PAX3: variants seen among roughly 807,000 people sequenced by gnomAD.
The protein encoded by PAX3 is paired box 3.
In PAX3, 14 loss-of-function variants were observed where a neutral mutation model predicts 51.6. The ratio of observed to expected loss-of-function variants is 0.27; its 90% CI spans 0.18 to 0.42. PAX3 has a LOEUF of 0.42. PAX3 is among the 10% of genes least tolerant of loss of function. PAX3 has a pLI of 1.00. For missense variants in PAX3, 540 were observed against 642.8 expected (o/e 0.84, Z 1.73); for synonymous variants, 280 against 253.4 (o/e 1.11, Z -1.00).
Position 222,244,081 on chromosome 2 carries a change from A to C in PAX3, c.587-11798T>G, listed in dbSNP as rs1265409291. Among the ~76,000 whole-genome samples the C allele has an allele frequency of 2.6e-5, 4 of 152,206 alleles. No homozygotes were observed. In the East Asian group the frequency reaches 5.8e-4, roughly 22 times the overall value. On this transcript the variant is annotated intron_variant, in intron 4 of 8. Coordinates refer to ENST00000392070, the MANE Select transcript of PAX3 (RefSeq NM_181458.4). ...TGTCTACAAGGTGGTCCTTCAGATT[A>C]GTGTCACATCCAACCAATGGACCTA...
intron 5 of PAX3, 184 bp from the exon 6 acceptor site, chr2:222,221,571 G>A (rs549801716): frequency 3.3e-6 from 2 of 608,218 alleles, no homozygotes; most frequent in South Asian, 3.7e-5. Flanking sequence ...AGTGTCAAAG[G>A]TCAGTAGAGG....
In PAX3 at chr2:222,201,509, C is replaced by G. The variant is rs1691292071; in HGVS notation, c.1421-67G>C. ...AATTCACAGTCAGGGGCAAGATCAG[C>G]TACAGGCTGACAATGTCATATTTAA... is the stretch of plus-strand genomic sequence containing the variant. On this transcript the variant is annotated intron_variant, in intron 8 of 8. Coordinates refer to ENST00000392070, the MANE Select transcript of PAX3 (RefSeq NM_181458.4). 5 of 1,587,124 alleles carry G rather than the reference C, an allele frequency of 3.2e-6. No homozygotes were observed. The South Asian group carries it at 5.5e-5, about 18-fold the overall frequency.
At chr2:222,243,002 G>A (rs1693076818) in intron 4 of PAX3, among the ~76,000 whole-genome samples, 1 of 152,176 alleles carries the variant, frequency 6.6e-6, no homozygotes, top group Non-Finnish European at 1.5e-5. Context: ...TAACAAGTTA[G>A]TTATACAGAG....
chr2:222,266,692 T>C (rs1030520731), intron 4 of PAX3, among the ~76,000 whole-genome samples: 2 of 152,244 alleles, frequency 1.3e-5, no homozygotes, highest in Non-Finnish European at 2.9e-5. Context: ...GCTATCTGCC[T>C]GGCCCTTGAA....
Position 222,294,376 on chromosome 2 carries a change from C to T in PAX3, c.452-75G>A, listed in dbSNP as rs1695176047. On this transcript the variant is annotated intron_variant, in intron 3 of 8. Coordinates refer to ENST00000392070, the MANE Select transcript of PAX3 (RefSeq NM_181458.4). ...AGCAGGGCTGTGCGGGAAGGACCCCCCACCCCCAAACACCAGCCAGGGCCC... is the reference window on the plus strand; with the variant it reads ...AGCAGGGCTGTGCGGGAAGGACCCCTCACCCCCAAACACCAGCCAGGGCCC... 5.8e-6 allele frequency: 9 copies of T among 1,560,072 alleles called. No individual in the cohort carries two copies. In the Admixed American group the frequency reaches 6.8e-5, roughly 12 times the overall value.
At chr2:222,266,077 G>A (rs569294021) in intron 4 of PAX3, among the ~76,000 whole-genome samples, 1 of 152,162 alleles carries the variant, frequency 6.6e-6, no homozygotes, top group African/African-American at 2.4e-5. Context: ...AGATTTACAA[G>A]TACAAAATCT....
chr2:222,253,200 G>A (rs762006617), intron 4 of PAX3, among the ~76,000 whole-genome samples: 1 of 152,192 alleles, frequency 6.6e-6, no homozygotes, highest in Non-Finnish European at 1.5e-5. Context: ...TGCCTAAATG[G>A]TATGGCTCCC....
intron 4 of PAX3, chr2:222,293,484 T>A (rs1200572889): frequency 1.4e-6 from 1 of 696,372 alleles, no homozygotes; most frequent in African/African-American, 1.8e-5. Flanking sequence ...GGAATGGGGA[T>A]CTGTACCCCT....
At chr2:222,206,049 A>G (rs1364439620) in intron 7 of PAX3, among the ~76,000 whole-genome samples, 2 of 152,232 alleles carry the variant, frequency 1.3e-5, no homozygotes, top group East Asian at 1.9e-4. Flanking sequence ...CCTAAAATCA[A>G]ATCTTCATTT....
At chr2:222,261,711 G>C (rs1436575362) in intron 4 of PAX3, among the ~76,000 whole-genome samples, 1 of 152,034 alleles carries the variant, frequency 6.6e-6, no homozygotes, top group Admixed American at 6.6e-5. Flanking sequence ...ACATTGGCCT[G>C]CAAACCTTAT....
chr2:222,203,834 C>T (rs1381734181), intron 7 of PAX3, among the ~76,000 whole-genome samples: 1 of 152,190 alleles, frequency 6.6e-6, no homozygotes, highest in East Asian at 1.9e-4. Flanking sequence ...GATCCACCTT[C>T]TGTGGATTAT....
At chr2:222,284,698 G>A (rs1193492975) in intron 4 of PAX3, among the ~76,000 whole-genome samples, 1 of 152,166 alleles carries the variant, frequency 6.6e-6, no homozygotes, top group Non-Finnish European at 1.5e-5. Context: ...CCCTTGGGCA[G>A]AGCCCATCTG....
In PAX3 at chr2:222,296,447, A is replaced by AT. The variant is rs879673712; in HGVS notation, c.321+530dup. 3.9e-4 allele frequency among the ~76,000 whole-genome samples: 59 copies of AT among 151,300 alleles called. 1 individual carries two copies. The highest frequency in any genetic ancestry group is 6.8e-3 in the Middle Eastern group (2 of 292). ...ATTTAAGGATAGCACCAAACTGCTT[A>AT]TTTTTTTTTAATGGAGTCATTGGCT... On this transcript the variant is annotated intron_variant, in intron 2 of 8. Coordinates refer to ENST00000392070, the MANE Select transcript of PAX3 (RefSeq NM_181458.4).
At chr2:222,290,131 A>T (rs1694976469) in intron 4 of PAX3, among the ~76,000 whole-genome samples, 1 of 152,142 alleles carries the variant, frequency 6.6e-6, no homozygotes, top group Non-Finnish European at 1.5e-5. Flanking sequence ...GTTTTCCTTG[A>T]TTTCAGCAGT....
chr2:222,257,803 TG>T (rs1243500531), intron 4 of PAX3, among the ~76,000 whole-genome samples: 1 of 152,090 alleles, frequency 6.6e-6, no homozygotes, highest in Non-Finnish European at 1.5e-5. Context: ...GGGCAGGAAA[TG>T]GGGCTGTTTT....
At chr2:222,239,422 G>A (rs892765260) in intron 4 of PAX3, among the ~76,000 whole-genome samples, 65 of 152,236 alleles carry the variant, frequency 4.3e-4, no homozygotes, top group African/African-American at 1.5e-3. Flanking sequence ...GCACCTGGAA[G>A]CTTCTCTTCC....
intron 1 of PAX3, 176 bp downstream of exon 1, chr2:222,298,355 T>C: frequency 3.2e-6 from 2 of 618,742 alleles, no homozygotes; most frequent in Admixed American, 2.7e-5. Flanking sequence ...GCGCGCTCCA[T>C]TTGCAGAAAG....
At chr2:222,213,274 C>T (rs995973411) in intron 7 of PAX3, among the ~76,000 whole-genome samples, 1 of 152,180 alleles carries the variant, frequency 6.6e-6, no homozygotes, top group Non-Finnish European at 1.5e-5. Flanking sequence ...GGGCTCTCCT[C>T]ATACTCTTAA....
intron 4 of PAX3, among the ~76,000 whole-genome samples, chr2:222,254,495 A>C (rs1693561916): frequency 2.0e-5 from 3 of 152,224 alleles, no homozygotes; most frequent in Non-Finnish European, 4.4e-5. Context: ...GGTTTCCCAC[A>C]GTCACTAAGT....
Sources: allele counts gnomAD v4.1 joint callset (sites outside exome capture counted in the v4.1 genomes callset), GRCh38; gene constraint gnomAD v4.1.1; transcripts MANE v1.5; gene names NCBI Gene and HGNC (gene_info 2026-07-23, HGNC 2026-07-21).